The following TRAPPC6A variants were observed in gnomAD, a reference collection of about 807,000 sequenced individuals.
TRAPPC6A encodes the protein TRAPP complex subunit 6A.
TRAPPC6A carries 25 observed loss-of-function variants against 20.8 expected under a neutral mutation model. The observed-to-expected ratio is 1.20, with a 90% confidence interval of 0.88 to 1.68. The LOEUF (loss-of-function observed/expected upper bound fraction) is 1.68, where lower values mean the gene tolerates loss of function less well. Among genes scored for constraint, TRAPPC6A ranks in the 40% most tolerant of loss-of-function variants. The pLI, the probability that TRAPPC6A is intolerant of heterozygous loss-of-function variation, is 0.00. For synonymous variants in TRAPPC6A, 96 were observed against 93.3 expected (o/e 1.03, Z -0.16); for missense variants, 215 against 211.6 (o/e 1.02, Z -0.10).
chr19:45,163,245 A>G lies in TRAPPC6A; in HGVS notation c.449-22T>C. Reference sequence around the variant, plus strand: ...TTACCTGGAAGAGAAGGCCTGGCTTAGGCTTGAGGATGGGATGGGGGAGGC... The same window carrying G: ...TTACCTGGAAGAGAAGGCCTGGCTTGGGCTTGAGGATGGGATGGGGGAGGC... On this transcript the variant is annotated intron_variant, in intron 5 of 5. Transcript: ENST00000585934. This position sits in a 1 kb window ranked among gnomAD's most constrained non-coding sequence, Gnocchi z 5.3. 1.2e-6 allele frequency: 2 copies of G among 1,613,614 alleles called. No homozygotes were observed. Among genetic ancestry groups the G allele is most frequent in the Non-Finnish European group, 1.7e-6 (2 of 1,179,754 alleles).
rs765547159 is a variant in TRAPPC6A at position 45,178,224 on chromosome 19, C to A, written c.-6G>T. The A allele has an allele frequency of 1.4e-5, 23 of 1,589,458 alleles. No homozygotes were observed. In the Admixed American group the frequency reaches 2.8e-4, roughly 19 times the overall value. On this transcript the variant is annotated 5_prime_UTR_variant, in exon 1 of 6. The change creates a new upstream start codon in the 5' untranslated region. Transcript: ENST00000585934. ...AACAACACAGTATCCGCCATGCCCC[C>A]TCCTCGCACGCCTAAAGATGCGCCC... is the stretch of plus-strand genomic sequence containing the variant.
intron 1 of TRAPPC6A, among the ~76,000 whole-genome samples, chr19:45,171,221 G>C (rs1034956141): frequency 6.6e-6 from 1 of 152,188 alleles, no homozygotes; most frequent in Non-Finnish European, 1.5e-5. Context: ...AGGATCGCTT[G>C]AACCCGGGAG....
In TRAPPC6A at chr19:45,173,714, C is replaced by A. The variant is rs1399464747; in HGVS notation, c.84+4421G>T. Among the ~76,000 whole-genome samples, 2 of 152,124 alleles carry A rather than the reference C, an allele frequency of 1.3e-5. No individual in the cohort carries two copies. Among genetic ancestry groups the A allele is most frequent in the Admixed American group, 1.3e-4 (2 of 15,278 alleles). Reference sequence around the variant, plus strand: ...GAAGGAATGGAGAGAGGAGGTGGGGCCAATAAAGAGAAAGGACTGAGGAAG... The same window carrying A: ...GAAGGAATGGAGAGAGGAGGTGGGGACAATAAAGAGAAAGGACTGAGGAAG... On this transcript the variant is annotated intron_variant, in intron 1 of 5. Transcript: ENST00000585934. This position sits in a 1 kb window ranked among gnomAD's most constrained non-coding sequence, Gnocchi z 4.8.
intron 2 of TRAPPC6A, 27 bp downstream of exon 2, chr19:45,165,100 G>C: frequency 1.2e-6 from 2 of 1,612,626 alleles, no homozygotes; most frequent in Non-Finnish European, 1.7e-6. Context: ...AGCCAGGCTG[G>C]GGGAGAGCAG....
In TRAPPC6A at chr19:45,162,966, G is replaced by A. The variant is rs1457059597; in HGVS notation, c.*226C>T. 2.3e-6 allele frequency: 1 copy of A among 435,134 alleles called. No individual in the cohort carries two copies. Among genetic ancestry groups the A allele is most frequent in the African/African-American group, 2.0e-5 (1 of 49,362 alleles). The allele number at this position is 435,134 out of a possible 1,614,324, so 27.0% of individuals were successfully genotyped here. A position where few individuals can be genotyped will look rare whatever the true frequency, so the allele number is the denominator to read the frequency against. On this transcript the variant is annotated 3_prime_UTR_variant, in exon 6 of 6. Transcript: ENST00000585934. Reference sequence around the variant, plus strand: ...ACACAGCCTTTATTGAGCAGCTACTGGGCAGTGACGCTGCCGAGGCGGGAA... The same window carrying A: ...ACACAGCCTTTATTGAGCAGCTACTAGGCAGTGACGCTGCCGAGGCGGGAA...
At chr19:45,164,362 T>C in intron 3 of TRAPPC6A, 115 bp from the exon 4 acceptor site, 1 of 690,378 alleles carries the variant, frequency 1.4e-6, no homozygotes, top group Non-Finnish European at 2.5e-6. Context: ...GCCCCCTTCC[T>C]GAGAACCACT....
rs528992333 is a variant in TRAPPC6A at position 45,163,033 on chromosome 19, C to G, written c.*159G>C. The G allele has an allele frequency of 1.2e-6, 1 of 810,804 alleles. No individual in the cohort carries two copies. Among genetic ancestry groups the G allele is most frequent in the East Asian group, 2.9e-5 (1 of 34,856 alleles). The allele number at this position is 810,804 out of a possible 1,614,324, so 50.2% of individuals were successfully genotyped here. A position where few individuals can be genotyped will look rare whatever the true frequency, so the allele number is the denominator to read the frequency against. Reference sequence around the variant, plus strand: ...ACCGCAGCTGGGACCCCTTTGCCTCCTCTGACACCCCCACCTCAATTTGAT... The same window carrying G: ...ACCGCAGCTGGGACCCCTTTGCCTCGTCTGACACCCCCACCTCAATTTGAT... On this transcript the variant is annotated 3_prime_UTR_variant, in exon 6 of 6. Coordinates refer to ENST00000585934, the MANE Select transcript of TRAPPC6A (RefSeq NM_001270891.2). The surrounding 1 kb of genome is among the most constrained non-coding windows in gnomAD (Gnocchi z 5.3).
At position 45,178,208 on chromosome 19, in the gene TRAPPC6A, G is replaced by T; in HGVS notation, c.11C>A (p.Thr4Asn). Residue 4 changes from threonine to asparagine, a missense_variant, in exon 1 of 6, where the codon ACT becomes AAT. Coordinates refer to ENST00000585934, the MANE Select transcript of TRAPPC6A (RefSeq NM_001270891.2). ...CGTGTGAAGAAACTCAAACAACACAGTATCCGCCATGCCCCCTCCTCGCAC... is the reference window on the plus strand; with the variant it reads ...CGTGTGAAGAAACTCAAACAACACATTATCCGCCATGCCCCCTCCTCGCAC... MAD[T>N]VLFEFLHTEM... is the part of the protein sequence containing the mutation. The T allele has an allele frequency of 6.2e-7, 1 of 1,605,536 alleles. No homozygotes were observed.
At position 45,173,562 on chromosome 19, in the gene TRAPPC6A, C is replaced by T. The variant is rs1339997049; in HGVS notation, c.84+4573G>A. 1.3e-5 allele frequency among the ~76,000 whole-genome samples: 2 copies of T among 152,220 alleles called. No homozygotes were observed. The highest frequency in any genetic ancestry group is 2.9e-5 in the Non-Finnish European group (2 of 68,040). ...TCCCTTCCTCTACCAAGCACAGGGT[C>T]CCTCCTCTGTGAATCGGGAGGGCTG... On this transcript the variant is annotated intron_variant, in intron 1 of 5. Transcript: ENST00000585934. This position sits in a 1 kb window ranked among gnomAD's most constrained non-coding sequence, Gnocchi z 4.8.
At chr19:45,166,725 A>G (rs1485267806) in intron 1 of TRAPPC6A, among the ~76,000 whole-genome samples, 1 of 152,082 alleles carries the variant, frequency 6.6e-6, no homozygotes, top group Non-Finnish European at 1.5e-5. Context: ...GGCTGCTCTC[A>G]GGAGCCTGCA....
Position 45,178,119 on chromosome 19 carries a change from G to A in TRAPPC6A, c.84+16C>T, listed in dbSNP as rs1969435820. 1.2e-6 allele frequency: 2 copies of A among 1,612,950 alleles called. No individual in the cohort carries two copies. The highest frequency in any genetic ancestry group is 1.3e-5 in the African/African-American group (1 of 74,894). ...TTGGTGGCCCCCGCTTCCTCCCCAC[G>A]GAGCCCGGCGCTCACCCCCGGGCCG... On this transcript the variant is annotated intron_variant, in intron 1 of 5. Transcript: ENST00000585934.
chr19:45,178,037 G>A (rs777288175), intron 1 of TRAPPC6A, 98 bp downstream of exon 1: 11 of 1,583,762 alleles, frequency 6.9e-6, no homozygotes, highest in Non-Finnish European at 9.4e-6. Context: ...GGCCGGGGCT[G>A]GGCCGGGTTC....
chr19:45,164,850 C>T lies in TRAPPC6A; in HGVS notation c.270+3G>A. The T allele has an allele frequency of 6.2e-7, 1 of 1,613,588 alleles. No homozygotes were observed. The highest frequency in any genetic ancestry group is 8.5e-7 in the Non-Finnish European group (1 of 1,179,556). ...CTGGACGGGCAGGCCGGGGTGCTCC[C>T]ACCTGGTGATTGGTGCGCAGGCTGT... On this transcript the variant is annotated splice_donor_region_variant and intron_variant, in intron 3 of 5. Transcript: ENST00000585934.
intron 1 of TRAPPC6A, among the ~76,000 whole-genome samples, chr19:45,166,962 CCT>C (rs1259436918): frequency 1.3e-5 from 2 of 152,096 alleles, no homozygotes; most frequent in Non-Finnish European, 2.9e-5. Flanking sequence ...TGCCTCCATC[CCT>C]CCCTCACCCT....
intron 1 of TRAPPC6A, among the ~76,000 whole-genome samples, chr19:45,176,223 G>A (rs545722791): frequency 3.4e-4 from 51 of 152,052 alleles, no homozygotes; most frequent in African/African-American, 8.4e-4. Flanking sequence ...TTGGAAGCCC[G>A]AGGCGGGCAG....
At chr19:45,165,581 G>T (rs927991214) in intron 1 of TRAPPC6A, among the ~76,000 whole-genome samples, 1 of 152,250 alleles carries the variant, frequency 6.6e-6, no homozygotes, top group Non-Finnish European at 1.5e-5. Flanking sequence ...AGTGGGCGCT[G>T]CGACTCCACC....
chr19:45,173,088 G>C lies in TRAPPC6A; in HGVS notation c.84+5047C>G, dbSNP rs1027714359. Among the ~76,000 whole-genome samples the C allele has an allele frequency of 3.3e-5, 5 of 151,668 alleles. No homozygotes were observed. The highest frequency in any genetic ancestry group is 4.4e-5 in the Non-Finnish European group (3 of 68,020). ...AGCAGGGCTATTCTCGGGGCGCCTC[G>C]GGCCTGGTCTCAGACAATGGGTGAC... is the stretch of plus-strand genomic sequence containing the variant. On this transcript the variant is annotated intron_variant, in intron 1 of 5. Coordinates refer to ENST00000585934, the MANE Select transcript of TRAPPC6A (RefSeq NM_001270891.2). This position sits in a 1 kb window ranked among gnomAD's most constrained non-coding sequence, Gnocchi z 4.8.
At chr19:45,164,722 G>C (rs115095268) in intron 3 of TRAPPC6A, 131 bp downstream of exon 3, 1 of 825,074 alleles carries the variant, frequency 1.2e-6, no homozygotes, top group Non-Finnish European at 2.0e-6. Flanking sequence ...CAGAGCAAGA[G>C]CTGCGGCCGC....
At chr19:45,164,454 G>A (rs1436375137) in intron 3 of TRAPPC6A, among the ~76,000 whole-genome samples, 1 of 152,090 alleles carries the variant, frequency 6.6e-6, no homozygotes, top group Non-Finnish European at 1.5e-5. Context: ...CCTGGGGAGT[G>A]TGGGTCCTGC....
Sources: allele counts gnomAD v4.1 joint callset (sites outside exome capture counted in the v4.1 genomes callset), GRCh38; gene constraint gnomAD v4.1.1; non-coding constraint Gnocchi (gnomAD v3.1); transcripts MANE v1.5; gene names NCBI Gene and HGNC (gene_info 2026-07-23, HGNC 2026-07-21).